DAB1: variants seen among roughly 807,000 people sequenced by gnomAD.
DAB1 encodes DAB adaptor protein 1, also known as disabled homolog 1.
In DAB1, 15 loss-of-function variants were observed where a neutral mutation model predicts 64.6. The observed-to-expected ratio is 0.23, with a 90% CI of 0.16 to 0.36. The LOEUF (loss-of-function observed/expected upper bound fraction) is 0.36, where lower values mean the gene tolerates loss of function less well. DAB1 is among the 10% of genes least tolerant of loss of function. The probability of loss-of-function intolerance (pLI) is 1.00; values close to 1 mark genes in which losing one functional copy is unlikely to be tolerated. For synonymous variants in DAB1, 235 were observed against 251.9 expected (o/e 0.93, Z 0.64); for missense variants, 596 against 706.7 (o/e 0.84, Z 1.78).
chr1:58,155,042 G>C (rs1280463364), intron 4 of DAB1, among the ~76,000 whole-genome samples: 1 of 152,144 alleles, frequency 6.6e-6, no homozygotes, highest in Non-Finnish European at 1.5e-5. Flanking sequence ...CTCCAAAAAA[G>C]GGCACTACTC....
intron 6 of DAB1, among the ~76,000 whole-genome samples, chr1:57,655,371 TCATC>T (rs1334255002): frequency 6.6e-6 from 1 of 151,890 alleles, no homozygotes; most frequent in African/African-American, 2.4e-5. Context: ...TAACCATCCA[TCATC>T]CATCCATCCA....
intron 5 of DAB1, among the ~76,000 whole-genome samples, chr1:57,999,810 G>A (rs1037345285): frequency 2.0e-5 from 3 of 151,708 alleles, no homozygotes; most frequent in African/African-American, 7.3e-5. Context: ...GAGGGATGAG[G>A]GAGGAAGAGA....
At chr1:57,594,969 C>T (rs1645489844) in intron 7 of DAB1, among the ~76,000 whole-genome samples, 1 of 152,152 alleles carries the variant, frequency 6.6e-6, no homozygotes, top group Admixed American at 6.5e-5. Flanking sequence ...CTCAGCCTCC[C>T]AAAGTGCTGG....
chr1:58,244,175 T>C (rs916398733), intron 4 of DAB1, among the ~76,000 whole-genome samples: 1 of 152,158 alleles, frequency 6.6e-6, no homozygotes, highest in East Asian at 1.9e-4. Flanking sequence ...GTTTTGAGAA[T>C]TGATAGAATA....
At chr1:57,859,309 T>C (rs1303650660) in intron 1 of DAB1, among the ~76,000 whole-genome samples, 1 of 152,172 alleles carries the variant, frequency 6.6e-6, no homozygotes, top group East Asian at 1.9e-4. Flanking sequence ...GAACCTTTCC[T>C]CTTGTTTGGG....
intron 5 of DAB1, among the ~76,000 whole-genome samples, chr1:58,083,531 G>A (rs1334861879): frequency 2.0e-5 from 3 of 152,218 alleles, no homozygotes; most frequent in Non-Finnish European, 4.4e-5. Flanking sequence ...GACAGAGTCT[G>A]TTTAACTATA....
At chr1:57,406,380 C>T (rs2101044614) in intron 1 of DAB1, among the ~76,000 whole-genome samples, 1 of 152,334 alleles carries the variant, frequency 6.6e-6, no homozygotes, top group South Asian at 2.1e-4. Flanking sequence ...TTAGCCACCA[C>T]ATTATTATTT....
At chr1:57,250,131 G>T (rs907078575) in intron 2 of DAB1, among the ~76,000 whole-genome samples, 1 of 152,086 alleles carries the variant, frequency 6.6e-6, no homozygotes, top group Non-Finnish European at 1.5e-5. Context: ...AAAAGTGCTT[G>T]CCCAAGACCA....
At chr1:57,085,932 G>C (rs954450605) in intron 4 of DAB1, among the ~76,000 whole-genome samples, 1 of 152,208 alleles carries the variant, frequency 6.6e-6, no homozygotes, top group Non-Finnish European at 1.5e-5. Context: ...ATTAGTGAGT[G>C]TGGGAGCGGT....
Position 58,090,903 on chromosome 1 carries a change from G to A in DAB1, n.387+59608C>T, listed in dbSNP as rs576625906. On this transcript the variant is annotated intron_variant and non_coding_transcript_variant, in intron 5 of 20. Transcript: ENST00000485760. Reference sequence around the variant, plus strand: ...GAGCTATATTCTGAAGGGTGAGTACGAGTTCTCTAGGAAAGAGACTTATAT... The same window carrying A: ...GAGCTATATTCTGAAGGGTGAGTACAAGTTCTCTAGGAAAGAGACTTATAT... 3.3e-5 allele frequency among the ~76,000 whole-genome samples: 5 copies of A among 152,312 alleles called. No homozygotes were observed. The South Asian group carries it at 6.2e-4, about 19-fold the overall frequency.
chr1:57,552,388 C>T (rs1644924245), intron 7 of DAB1, among the ~76,000 whole-genome samples: 1 of 152,182 alleles, frequency 6.6e-6, no homozygotes. Flanking sequence ...CCAGGACAGC[C>T]GGCAAGAAGA....
At chr1:58,315,709 G>C (rs752566092) in intron 4 of DAB1, among the ~76,000 whole-genome samples, 44 of 152,268 alleles carry the variant, frequency 2.9e-4, no homozygotes, top group Admixed American at 7.2e-4. Context: ...CACAATGATA[G>C]GGCTGCATCC....
chr1:58,047,737 A>G (rs955095756), intron 5 of DAB1, among the ~76,000 whole-genome samples: 2 of 152,196 alleles, frequency 1.3e-5, no homozygotes, highest in African/African-American at 4.8e-5. Context: ...ACACTCTCTC[A>G]GGCCAGGAAC....
At chr1:57,540,103 C>T (rs1047420637) in intron 7 of DAB1, among the ~76,000 whole-genome samples, 1 of 152,132 alleles carries the variant, frequency 6.6e-6, no homozygotes, top group Admixed American at 6.5e-5. Flanking sequence ...CTCTGGCCCA[C>T]GATTTTTTAA....
chr1:58,227,925 C>A (rs1659576065), intron 4 of DAB1, among the ~76,000 whole-genome samples: 1 of 152,214 alleles, frequency 6.6e-6, no homozygotes, highest in South Asian at 2.1e-4. Flanking sequence ...CTGTTAACAG[C>A]AAGCTCTCTA....
intron 5 of DAB1, among the ~76,000 whole-genome samples, chr1:57,915,130 A>T (rs746030472): frequency 1.4e-4 from 4 of 27,600 alleles, no homozygotes; most frequent in Non-Finnish European, 2.3e-4. Context: ...TTTAAATCAT[A>T]AAAAAAAAAA....
chr1:58,326,068 A>G (rs1475202036), intron 4 of DAB1, among the ~76,000 whole-genome samples: 6 of 152,156 alleles, frequency 3.9e-5, no homozygotes, highest in Non-Finnish European at 8.8e-5. Context: ...TCTCCAGGGG[A>G]CAATGTATTC....
chr1:57,957,460 T>G (rs906273922), intron 5 of DAB1, among the ~76,000 whole-genome samples: 1 of 152,176 alleles, frequency 6.6e-6, no homozygotes. Context: ...TTTGAACATA[T>G]TGGCTTTGAG....
chr1:57,553,367 A>G (rs1348043857), intron 7 of DAB1, among the ~76,000 whole-genome samples: 2 of 22,340 alleles, frequency 9.0e-5, no homozygotes, highest in African/African-American at 1.7e-4. Context: ...AAGAAAGAGA[A>G]GGAAGGAAGG....
Sources: gnomAD v4.1 joint callset for allele counts (sites outside exome capture counted in the v4.1 genomes callset) on GRCh38, gnomAD v4.1.1 for gene constraint, MANE v1.5 for transcripts, NCBI Gene and HGNC (gene_info 2026-07-23, HGNC 2026-07-21) for gene names.